The following STK3 variants were observed in gnomAD, a reference collection of about 807,000 sequenced individuals.
STK3 encodes the protein serine/threonine-protein kinase 3.
A neutral mutation model predicts 58.0 loss-of-function variants in STK3; 41 were observed. The ratio of observed to expected loss-of-function variants is 0.71; its 90% CI spans 0.55 to 0.92. STK3 has a LOEUF of 0.92. Among genes scored for constraint, STK3 ranks in the 40% least tolerant of loss-of-function variants. The pLI is 0.00. For synonymous variants in STK3, 170 were observed against 191.0 expected (o/e 0.89, Z 0.91); for missense variants, 479 against 602.7 (o/e 0.79, Z 2.15).
intron 3 of STK3, among the ~76,000 whole-genome samples, chr8:98,411,851 T>G (rs1251751895): frequency 1.3e-5 from 2 of 152,200 alleles, no homozygotes; most frequent in African/African-American, 2.4e-5. Flanking sequence ...TCTCTCCCAT[T>G]CGTCTTGCTT....
intron 3 of STK3, among the ~76,000 whole-genome samples, chr8:98,751,323 T>C (rs1829968396): frequency 6.6e-6 from 1 of 152,174 alleles, no homozygotes; most frequent in Non-Finnish European, 1.5e-5. Context: ...CTACCCCTGT[T>C]TGCAGATGAC....
chr8:98,768,858 A>G (rs1458078897), intron 2 of STK3, among the ~76,000 whole-genome samples: 1 of 152,234 alleles, frequency 6.6e-6, no homozygotes, highest in Non-Finnish European at 1.5e-5. Flanking sequence ...TATGAAGTGC[A>G]CAGCAGCTTC....
intron 6 of STK3, among the ~76,000 whole-genome samples, chr8:98,650,702 C>G (rs565677308): frequency 6.6e-6 from 1 of 152,316 alleles, no homozygotes; most frequent in Non-Finnish European, 1.5e-5. Flanking sequence ...GCCCATGGCT[C>G]GGAGGGTCCT....
At chr8:98,482,027 G>A (rs1279652818) in intron 10 of STK3, among the ~76,000 whole-genome samples, 2 of 152,122 alleles carry the variant, frequency 1.3e-5, no homozygotes, top group African/African-American at 4.8e-5. Context: ...AGGTCATGAA[G>A]GAATTCAAAT....
At chr8:98,473,764 T>C (rs1388028541) in intron 10 of STK3, among the ~76,000 whole-genome samples, 1 of 152,138 alleles carries the variant, frequency 6.6e-6, no homozygotes, top group Non-Finnish European at 1.5e-5. Context: ...TTCTCCTAAA[T>C]TTATGGCCAT....
intron 3 of STK3, among the ~76,000 whole-genome samples, chr8:98,862,083 AG>A (rs1301573632): frequency 1.3e-5 from 2 of 152,186 alleles, no homozygotes; most frequent in African/African-American, 2.4e-5. Context: ...GGTGGGGAAT[AG>A]GGAGTCCACA....
chr8:98,519,880 T>C (rs1191154234), intron 10 of STK3, among the ~76,000 whole-genome samples: 1 of 152,152 alleles, frequency 6.6e-6, no homozygotes, highest in African/African-American at 2.4e-5. Flanking sequence ...CCAAAAATGG[T>C]TGATTTACCT....
intron 9 of STK3, among the ~76,000 whole-genome samples, chr8:98,528,830 C>T (rs2131495330): frequency 6.6e-6 from 1 of 152,312 alleles, no homozygotes; most frequent in Non-Finnish European, 1.5e-5. Flanking sequence ...AATTTACACT[C>T]ATGTTCCAAA....
intron 10 of STK3, among the ~76,000 whole-genome samples, chr8:98,470,061 T>C (rs2131219207): frequency 1.3e-5 from 2 of 152,332 alleles, no homozygotes; most frequent in East Asian, 3.9e-4. Flanking sequence ...GATCCTAGAA[T>C]TCTCCAAAGC....
At chr8:98,352,077 T>C in the STK3 span, among the ~76,000 whole-genome samples, 30 of 142,128 alleles carry the variant, frequency 2.1e-4, no homozygotes, top group East Asian at 4.9e-3. Flanking sequence ...ATGGAGCTTG[T>C]AGTGAGCTGA....
At chr8:98,865,156 C>A (rs993380037) in intron 3 of STK3, among the ~76,000 whole-genome samples, 2 of 152,140 alleles carry the variant, frequency 1.3e-5, no homozygotes, top group Admixed American at 1.3e-4. Context: ...TTTAGAAAGC[C>A]AAAGTGGGAG....
intron 3 of STK3, among the ~76,000 whole-genome samples, chr8:98,832,092 G>T (rs1835551779): frequency 6.6e-6 from 1 of 152,032 alleles, no homozygotes; most frequent in Non-Finnish European, 1.5e-5. Flanking sequence ...AGCTTTATTT[G>T]TTGTAAAAGG....
intron 6 of STK3, among the ~76,000 whole-genome samples, chr8:98,605,362 G>C (rs1437789245): frequency 6.6e-6 from 1 of 151,974 alleles, no homozygotes; most frequent in East Asian, 1.9e-4. Flanking sequence ...AGGAAGCATA[G>C]CAGCTTCTGT....
chr8:98,570,987 C>T (rs951283308), intron 8 of STK3, among the ~76,000 whole-genome samples: 3 of 152,268 alleles, frequency 2.0e-5, no homozygotes, highest in East Asian at 3.9e-4. Context: ...CTGACTTGGG[C>T]TAATTCTCCT....
At chr8:98,444,584 T>G (rs1475367424) in intron 1 of STK3, among the ~76,000 whole-genome samples, 3 of 152,098 alleles carry the variant, frequency 2.0e-5, no homozygotes, top group Non-Finnish European at 1.5e-5. Context: ...AGAGGTAGAA[T>G]GGCATGGGGT....
intron 6 of STK3, among the ~76,000 whole-genome samples, chr8:98,655,374 G>T (rs1224176121): frequency 1.5e-4 from 23 of 152,148 alleles, no homozygotes; most frequent in African/African-American, 4.6e-4. Flanking sequence ...CCTAAAACCA[G>T]AAAAACCCTA....
At chr8:98,859,009 A>G (rs1836823522) in intron 3 of STK3, among the ~76,000 whole-genome samples, 1 of 152,176 alleles carries the variant, frequency 6.6e-6, no homozygotes, top group Non-Finnish European at 1.5e-5. Flanking sequence ...CTCAGTGTCT[A>G]TAAGAATAAA....
At chr8:98,730,568 T>C (rs1334303514) in intron 4 of STK3, among the ~76,000 whole-genome samples, 1 of 151,748 alleles carries the variant, frequency 6.6e-6, no homozygotes, top group African/African-American at 2.4e-5. Context: ...AATAGAAAAT[T>C]AGCCAGGCAT....
chr8:98,693,754 G>A (rs1448911312), intron 6 of STK3, among the ~76,000 whole-genome samples: 1 of 152,174 alleles, frequency 6.6e-6, no homozygotes, highest in Non-Finnish European at 1.5e-5. Flanking sequence ...GCAGGGACTG[G>A]GAGATGGAAG....
Sources: gnomAD v4.1 joint callset for allele counts (sites outside exome capture counted in the v4.1 genomes callset) on GRCh38, gnomAD v4.1.1 for gene constraint, MANE v1.5 for transcripts, NCBI Gene and HGNC (gene_info 2026-07-23, HGNC 2026-07-21) for gene names.